Variants in MBP observed in about 807,000 individuals in gnomAD.
MBP encodes the protein Golli-MBP.
MBP carries 16 observed loss-of-function variants against 35.8 expected under a neutral mutation model. The observed-to-expected ratio is 0.45, with a 90% CI of 0.30 to 0.68. The LOEUF is 0.68. MBP is among the 30% of genes least tolerant of loss of function. The pLI is 0.08. For missense variants in MBP, 380 were observed against 404.7 expected (o/e 0.94, Z 0.52); for synonymous variants, 143 against 159.6 (o/e 0.90, Z 0.78).
rs985646502 is a variant in MBP, at chr18:77,002,286, C to T, written c.577-12226G>A. Among the ~76,000 whole-genome samples the T allele has an allele frequency of 9.9e-5, 15 of 152,226 alleles. 1 individual carries two copies. Among genetic ancestry groups the T allele is most frequent in the South Asian group, 6.2e-4 (3 of 4,838 alleles). ...CTACAGAGATGCACCCATCAGCACT[C>T]GGCTGTGGAGCCTTAGCAAGCACCT... On this transcript the variant is annotated intron_variant, in intron 4 of 8. Transcript: ENST00000355994.
chr18:77,027,996 T>TTATTTATTTATTTATTTATTTATA (rs1972291376), intron 3 of MBP, among the ~76,000 whole-genome samples: 1 of 150,666 alleles, frequency 6.6e-6, no homozygotes, highest in Non-Finnish European at 1.5e-5. Flanking sequence ...ATTTATTTAT[T>TTATTTATTTATTTATTTATTTATA]TATTTATTTT....
intron 2 of MBP, among the ~76,000 whole-genome samples, chr18:77,094,848 A>G (rs1163407746): frequency 6.6e-6 from 1 of 152,194 alleles, no homozygotes; most frequent in Non-Finnish European, 1.5e-5. Context: ...TATGACATTA[A>G]AAACACAGTT....
chr18:76,999,810 G>T (rs1227655789), intron 4 of MBP, among the ~76,000 whole-genome samples: 1 of 152,016 alleles, frequency 6.6e-6, no homozygotes, highest in Non-Finnish European at 1.5e-5. Flanking sequence ...ACTTTTAGTT[G>T]TACTCACTAA....
chr18:77,043,785 A>G (rs1973108480), intron 3 of MBP, among the ~76,000 whole-genome samples: 1 of 152,152 alleles, frequency 6.6e-6, no homozygotes, highest in Non-Finnish European at 1.5e-5. Flanking sequence ...TGAGTGAGAA[A>G]GGGATGCAGG....
chr18:77,094,346 A>G (rs1975671858), intron 2 of MBP, among the ~76,000 whole-genome samples: 1 of 152,188 alleles, frequency 6.6e-6, no homozygotes, highest in Admixed American at 6.5e-5. Context: ...CTGAAGTTTT[A>G]TGGAAGCACC....
intron 2 of MBP, among the ~76,000 whole-genome samples, chr18:77,066,755 G>A (rs1483230057): frequency 6.6e-6 from 1 of 152,260 alleles, no homozygotes; most frequent in Non-Finnish European, 1.5e-5. Flanking sequence ...ACTGACGCCA[G>A]GCCTTACTCC....
intron 8 of MBP, 102 bp downstream of exon 8, chr18:76,984,673 G>A: frequency 6.5e-7 from 1 of 1,529,594 alleles, no homozygotes; most frequent in Non-Finnish European, 9.0e-7. Context: ...AGGGTACAGT[G>A]CGGCTGAGCC....
intron 4 of MBP, chr18:77,014,991 C>T (rs1971548762): frequency 1.0e-6 from 1 of 984,828 alleles, no homozygotes; most frequent in African/African-American, 1.7e-5. Context: ...TTGGCCAGCC[C>T]TGTTTTGCAA....
chr18:77,052,576 C>T (rs916842919), intron 3 of MBP, among the ~76,000 whole-genome samples: 1 of 152,178 alleles, frequency 6.6e-6, no homozygotes, highest in Non-Finnish European at 1.5e-5. Flanking sequence ...AGGCCAGGAT[C>T]GCTTAGGGGT....
chr18:77,086,961 A>T (rs1176493214), intron 2 of MBP, among the ~76,000 whole-genome samples: 1 of 152,270 alleles, frequency 6.6e-6, no homozygotes, highest in Non-Finnish European at 1.5e-5. Context: ...TTTTAAAAAG[A>T]CTAAAATTGC....
At chr18:77,074,285 G>A (rs541112564) in intron 2 of MBP, among the ~76,000 whole-genome samples, 29 of 151,140 alleles carry the variant, frequency 1.9e-4, no homozygotes, top group African/African-American at 6.4e-4. Context: ...CAGTGAGCCC[G>A]GGTCTCCCCA....
chr18:77,007,829 G>C (rs1047233900), intron 4 of MBP, among the ~76,000 whole-genome samples: 4 of 152,132 alleles, frequency 2.6e-5, no homozygotes, highest in Admixed American at 2.6e-4. Context: ...GTTGTGTAGA[G>C]GATTTACTTA....
In MBP at chr18:77,131,029, A is replaced by C. The variant is rs2897505; in HGVS notation, c.-26+1551T>G. On this transcript the variant is annotated intron_variant, in intron 1 of 8. Transcript: ENST00000355994. The surrounding 1 kb of genome is among the most constrained non-coding windows in gnomAD (Gnocchi z 5.5). ...CTCAGATTTCTGTTTTTCCCACAAA[A>C]AAAAAAAAAAAACAAAACCTCAAAA... 2.8e-5 allele frequency among the ~76,000 whole-genome samples: 3 copies of C among 108,932 alleles called. No individual in the cohort carries two copies. Among genetic ancestry groups the C allele is most frequent in the Admixed American group, 9.2e-5 (1 of 10,904 alleles). 71.5% of individuals were successfully genotyped at this position (108,932 alleles called of 152,430 possible). A position where few individuals can be genotyped will look rare whatever the true frequency, so the allele number is the denominator to read the frequency against.
chr18:77,087,953 C>CGCG (rs889233316), intron 2 of MBP, among the ~76,000 whole-genome samples: 5 of 151,986 alleles, frequency 3.3e-5, no homozygotes, highest in African/African-American at 4.8e-5. Context: ...CCTATGTCCA[C>CGCG]GCGGCGCCTG....
chr18:76,987,488 C>A, intron 7 of MBP: 20 of 985,540 alleles, frequency 2.0e-5, no homozygotes, highest in Non-Finnish European at 2.3e-5. Flanking sequence ...TCTCAAGTAC[C>A]CTGCCCCTTC....
At chr18:77,121,499 G>A (rs887920400) in intron 1 of MBP, among the ~76,000 whole-genome samples, 4 of 152,136 alleles carry the variant, frequency 2.6e-5, no homozygotes, top group African/African-American at 7.2e-5. Flanking sequence ...GCTCTTCTGA[G>A]TTCTCCCGCC....
intron 2 of MBP, among the ~76,000 whole-genome samples, chr18:77,103,157 C>G (rs1191919038): frequency 9.2e-5 from 14 of 152,126 alleles, no homozygotes; most frequent in Admixed American, 9.2e-4. Flanking sequence ...GATTTGAAAG[C>G]AAATCATGGA....
At chr18:77,086,780 A>T (rs1305933962) in intron 2 of MBP, among the ~76,000 whole-genome samples, 1 of 152,250 alleles carries the variant, frequency 6.6e-6, no homozygotes, top group Non-Finnish European at 1.5e-5. Context: ...CAAAAAAGGC[A>T]TGAGCTATTA....
Position 77,091,210 on chromosome 18 carries a change from T to C in MBP, c.51+14001A>G, listed in dbSNP as rs183651654. ...CTAACAATGATCTACACTGCACTTA[T>C]CCTAAATCACTGTGGATAATTAGTA... On this transcript the variant is annotated intron_variant, in intron 2 of 8. Coordinates refer to ENST00000355994, the MANE Select transcript of MBP (RefSeq NM_001025101.2). Among the ~76,000 whole-genome samples, 4 of 152,350 alleles carry C rather than the reference T, an allele frequency of 2.6e-5. No individual in the cohort carries two copies. The East Asian group carries it at 7.7e-4, about 29-fold the overall frequency.
Sources: allele counts gnomAD v4.1 joint callset (sites outside exome capture counted in the v4.1 genomes callset), GRCh38; gene constraint gnomAD v4.1.1; non-coding constraint Gnocchi (gnomAD v3.1); transcripts MANE v1.5; gene names NCBI Gene and HGNC (gene_info 2026-07-23, HGNC 2026-07-21).